Variants in UGT1A10 observed in about 807,000 individuals in gnomAD.
The protein encoded by UGT1A10 is UDP-glucuronosyltransferase 1A10.
Under a neutral mutation model 45.8 loss-of-function variants are expected in UGT1A10, and 49 were observed. The observed-to-expected ratio is 1.07, with a 90% CI of 0.85 to 1.36. The LOEUF (loss-of-function observed/expected upper bound fraction) is 1.36, where lower values mean the gene tolerates loss of function less well. UGT1A10 is among the 40% of genes most tolerant of loss of function. The pLI is 0.00. For synonymous variants in UGT1A10, 284 were observed against 249.7 expected (o/e 1.14, Z -1.29); for missense variants, 745 against 668.6 (o/e 1.11, Z -1.26).
intron 1 of UGT1A10, among the ~76,000 whole-genome samples, chr2:233,665,758 A>G (rs1404689507): frequency 6.6e-6 from 1 of 152,228 alleles, no homozygotes; most frequent in Non-Finnish European, 1.5e-5. Flanking sequence ...ATTTAAAAAT[A>G]CACACAATAC....
chr2:233,758,075 A>C (rs1280685172), intron 1 of UGT1A10, among the ~76,000 whole-genome samples: 1 of 152,176 alleles, frequency 6.6e-6, no homozygotes, highest in African/African-American at 2.4e-5. Flanking sequence ...TTCTGGGCCT[A>C]GTTCCTAGCA....
intron 1 of UGT1A10, among the ~76,000 whole-genome samples, chr2:233,717,159 C>A (rs961271798): frequency 3.3e-5 from 5 of 152,194 alleles, no homozygotes; most frequent in African/African-American, 1.2e-4. Context: ...AACATGGGAG[C>A]CCCTTGAATG....
intron 1 of UGT1A10, among the ~76,000 whole-genome samples, chr2:233,737,749 T>C (rs1235645192): frequency 6.6e-6 from 1 of 152,308 alleles, no homozygotes; most frequent in South Asian, 2.1e-4. Context: ...CTTCCAGTTT[T>C]TCAATGTGAA....
chr2:233,643,465 C>T lies in UGT1A10; in HGVS notation c.855+6088C>T, dbSNP rs567716288. Among the ~76,000 whole-genome samples the T allele has an allele frequency of 1.1e-4, 17 of 152,184 alleles. 1 individual carries two copies. The South Asian group carries it at 3.5e-3, about 32-fold the overall frequency. The stretch of plus-strand genomic sequence containing the variant: ...TCAAGGCAGTGGGCTCCCCTCTATC[C>T]CAGGGGAGCTCCAGAAATGCTGTCC... On this transcript the variant is annotated intron_variant, in intron 1 of 4. Transcript: ENST00000344644.
chr2:233,703,753 TA>T (rs1452282622), intron 1 of UGT1A10, among the ~76,000 whole-genome samples: 1 of 152,214 alleles, frequency 6.6e-6, no homozygotes. Context: ...ATCTCAAATG[TA>T]TCTTCTGCAG....
At position 233,728,107 on chromosome 2, in the gene UGT1A10, C is replaced by T. The variant is rs144723980; in HGVS notation, c.856-38927C>T. On this transcript the variant is annotated intron_variant, in intron 1 of 4. Transcript: ENST00000344644. ...CCTTTAGAAAGGCACATATTTAATT[C>T]TCCATCTTGAAATTTGGACTAGGGC... Among the ~76,000 whole-genome samples, 25 of 152,336 alleles carry T rather than the reference C, an allele frequency of 1.6e-4. No individual in the cohort carries two copies. In the East Asian group the frequency reaches 4.2e-3, roughly 26 times the overall value.
intron 1 of UGT1A10, chr2:233,748,151 T>G (rs1288204203): frequency 6.9e-6 from 11 of 1,604,706 alleles, no homozygotes; most frequent in Admixed American, 3.3e-5. Context: ...TTACTTACAA[T>G]TGCTTCCATA....
chr2:233,671,824 G>T, intron 1 of UGT1A10: 2 of 1,439,926 alleles, frequency 1.4e-6, no homozygotes, highest in East Asian at 2.4e-5. Context: ...TTTTATGAAA[G>T]GATAAAAACA....
intron 1 of UGT1A10, chr2:233,747,304 G>A: frequency 6.2e-7 from 1 of 1,602,730 alleles, no homozygotes; most frequent in East Asian, 2.2e-5. Flanking sequence ...GAGTGGGAAG[G>A]TGCTGGTGGT....
intron 1 of UGT1A10, among the ~76,000 whole-genome samples, chr2:233,651,411 GTTTTACATGTCTAAAAAATACATGTT>G (rs1559325386): frequency 1.3e-5 from 2 of 152,030 alleles, no homozygotes; most frequent in Non-Finnish European, 2.9e-5. Context: ...TATATTTTTG[GTTTTACATGTCTAAAAAATACATGTT>G]TTTTTGTATG....
chr2:233,682,379 G>A (rs768980340), intron 1 of UGT1A10: 1 of 1,613,868 alleles, frequency 6.2e-7, no homozygotes, highest in African/African-American at 1.3e-5. Flanking sequence ...AGTGTTTCTC[G>A]ATCCTTTTGA....
rs1436464703 is a variant in UGT1A10 at position 233,735,153 on chromosome 2, C to G, written c.856-31881C>G. Among the ~76,000 whole-genome samples the G allele has an allele frequency of 3.9e-5, 6 of 152,130 alleles. No individual in the cohort carries two copies. In the East Asian group the frequency reaches 1.2e-3, roughly 29 times the overall value. ...ATTATTATTGTGTGGGAGTCTAAGT[C>G]TCTGTGTAGGTCTCTAAGAACTTGC... On this transcript the variant is annotated intron_variant, in intron 1 of 4. Coordinates refer to ENST00000344644, the MANE Select transcript of UGT1A10 (RefSeq NM_019075.4).
chr2:233,770,389 C>T (rs1188448895), intron 4 of UGT1A10: 4 of 152,212 alleles, frequency 2.6e-5, no homozygotes, highest in African/African-American at 4.8e-5. Flanking sequence ...TACGGTGGCT[C>T]ATGCCTGTAG....
rs371183955 is a variant in UGT1A10, at chr2:233,772,416, C to T, written c.1450C>T (p.His484Tyr). 1.7e-5 allele frequency: 28 copies of T among 1,614,228 alleles called. 1 individual carries two copies. The East Asian group carries it at 2.5e-4, about 14-fold the overall frequency. ...AAHDLTWYQY[H>Y]SLDVIGFLLA... ...CCACGACCTCACCTGGTACCAGTAC[C>T]ATTCCTTGGACGTGATTGGTTTCCT... Residue 484 changes from histidine to tyrosine, a missense_variant, in exon 5 of 5, where the codon CAT becomes TAT. Transcript: ENST00000344644.
At chr2:233,705,436 T>C (rs1284640676) in intron 1 of UGT1A10, among the ~76,000 whole-genome samples, 1 of 152,232 alleles carries the variant, frequency 6.6e-6, no homozygotes, top group Non-Finnish European at 1.5e-5. Context: ...TAACTTATCC[T>C]TCAGAATTGC....
chr2:233,726,218 A>C (rs1180032899), intron 1 of UGT1A10, among the ~76,000 whole-genome samples: 1 of 152,174 alleles, frequency 6.6e-6, no homozygotes, highest in Non-Finnish European at 1.5e-5. Context: ...AAAGTTTAGA[A>C]AACATTTTTT....
intron 1 of UGT1A10, among the ~76,000 whole-genome samples, chr2:233,759,493 G>T (rs1697150879): frequency 6.6e-6 from 1 of 152,220 alleles, no homozygotes; most frequent in South Asian, 2.1e-4. Flanking sequence ...GCTCTTTCAG[G>T]TTCACACTAA....
rs1416075088 is a variant in UGT1A10 at position 233,637,383 on chromosome 2, T to A, written c.855+6T>A. ...AGGGAAAGCCATTGCCTATGGTAAG[T>A]CACCTCTCCTTTAGCACATTAAGAA... On this transcript the variant is annotated splice_donor_region_variant and intron_variant, in intron 1 of 4. Transcript: ENST00000344644. 6.2e-7 allele frequency: 1 copy of A among 1,610,652 alleles called. No individual in the cohort carries two copies. Among genetic ancestry groups the A allele is most frequent in the Non-Finnish European group, 8.5e-7 (1 of 1,177,678 alleles).
At position 233,772,877 on chromosome 2, in the gene UGT1A10, G is replaced by C; in HGVS notation, c.*318G>C. The C allele has an allele frequency of 1.7e-6, 1 of 579,394 alleles. No homozygotes were observed. Among genetic ancestry groups the C allele is most frequent in the South Asian group, 2.3e-5 (1 of 42,896 alleles). The allele number at this position is 579,394 out of a possible 1,614,324, so 35.9% of individuals were successfully genotyped here. ...TGAAACATGGCCTGTTTGGGAGTGC[G>C]GGATTCAAAGGTGGTCCCACGGCTG... On this transcript the variant is annotated 3_prime_UTR_variant, in exon 5 of 5. Coordinates refer to ENST00000344644, the MANE Select transcript of UGT1A10 (RefSeq NM_019075.4).
Sources: allele counts gnomAD v4.1 joint callset (sites outside exome capture counted in the v4.1 genomes callset), GRCh38; gene constraint gnomAD v4.1.1; transcripts MANE v1.5; gene names NCBI Gene and HGNC (gene_info 2026-07-23, HGNC 2026-07-21).